Variants in COG5 observed in about 807,000 individuals in gnomAD.
COG5 encodes the protein conserved oligomeric Golgi complex subunit 5.
COG5 carries 86 observed loss-of-function variants against 110.4 expected under a neutral mutation model. The ratio of observed to expected loss-of-function variants is 0.78; its 90% CI spans 0.65 to 0.93. The LOEUF (loss-of-function observed/expected upper bound fraction) is 0.93, where lower values mean the gene tolerates loss of function less well. Among genes scored for constraint, COG5 ranks in the 40% least tolerant of loss-of-function variants. COG5 has a pLI of 0.00. For synonymous variants in COG5, 360 were observed against 334.6 expected (o/e 1.08, Z -0.83); for missense variants, 1,077 against 987.0 (o/e 1.09, Z -1.22).
At chr7:107,458,458 G>C (rs1287216216) in intron 6 of COG5, among the ~76,000 whole-genome samples, 1 of 152,170 alleles carries the variant, frequency 6.6e-6, no homozygotes, top group East Asian at 1.9e-4. Flanking sequence ...TTAATAGTAA[G>C]GTTCTAACAT....
At chr7:107,278,629 G>A (rs980796640) in intron 14 of COG5, among the ~76,000 whole-genome samples, 6 of 151,962 alleles carry the variant, frequency 3.9e-5, no homozygotes, top group South Asian at 4.1e-4. Context: ...CAGAAATAAC[G>A]TCACACATCT....
chr7:107,283,616 G>A lies in COG5; in HGVS notation c.1430C>T (p.Pro477Leu). 1 of 1,613,952 alleles carries A rather than the reference G, an allele frequency of 6.2e-7. No individual in the cohort carries two copies. Among genetic ancestry groups the A allele is most frequent in the South Asian group, 1.1e-5 (1 of 91,088 alleles). Reference sequence around the variant, plus strand: ...ACCATCAAGTTCATCAGAGGAAGGAGGATTACGACCACCCGGGGGAAAAAC... The same window carrying A: ...ACCATCAAGTTCATCAGAGGAAGGAAGATTACGACCACCCGGGGGAAAAAC... ...NLVFPPGGRN[P>L]PSSDELDGII... The change falls in exon 13 of 22, where the codon CCT (proline) becomes CTT (leucine). Residue 477 changes from proline (P) to leucine (L), a missense_variant. Transcript: ENST00000297135.
At chr7:107,500,940 C>T (rs1798593378) in intron 6 of COG5, among the ~76,000 whole-genome samples, 1 of 152,124 alleles carries the variant, frequency 6.6e-6, no homozygotes, top group African/African-American at 2.4e-5. Context: ...TTCAACCATT[C>T]TAACAGCCTT....
intron 21 of COG5, chr7:107,209,933 G>T (rs1799046247): frequency 1.0e-6 from 1 of 987,018 alleles, no homozygotes; most frequent in Admixed American, 6.0e-5. Flanking sequence ...GCAGGGAAGA[G>T]TGTTGCTTAA....
intron 10 of COG5, among the ~76,000 whole-genome samples, chr7:107,333,819 T>A (rs916202616): frequency 2.6e-5 from 4 of 152,144 alleles, no homozygotes; most frequent in African/African-American, 7.2e-5. Context: ...CTAACATACA[T>A]AGAGTAAAAA....
chr7:107,467,695 A>G (rs2129105704), intron 6 of COG5, among the ~76,000 whole-genome samples: 1 of 152,304 alleles, frequency 6.6e-6, no homozygotes, highest in East Asian at 1.9e-4. Flanking sequence ...CTGATTCTCA[A>G]TCAGTAGTTG....
rs1584552481 is a variant in COG5 at position 107,234,857 on chromosome 7, G to T, written c.2091+1593C>A. Among the ~76,000 whole-genome samples the T allele has an allele frequency of 5.3e-5, 8 of 151,848 alleles. No homozygotes were observed. The South Asian group carries it at 1.7e-3, about 32-fold the overall frequency. ...TAAGCAATCTGGAACCCCAGTAAGG[G>T]ACAAATAAGACACTATTTACAAATA... On this transcript the variant is annotated intron_variant, in intron 18 of 21. Coordinates refer to ENST00000297135, the MANE Select transcript of COG5 (RefSeq NM_006348.5).
intron 6 of COG5, among the ~76,000 whole-genome samples, chr7:107,491,870 C>T (rs1289798771): frequency 6.6e-6 from 1 of 152,068 alleles, no homozygotes; most frequent in Non-Finnish European, 1.5e-5. Flanking sequence ...GAAACAGACT[C>T]ACCCTGCCCC....
intron 19 of COG5, among the ~76,000 whole-genome samples, chr7:107,223,740 T>A (rs568610814): frequency 6.6e-6 from 1 of 152,292 alleles, no homozygotes; most frequent in Non-Finnish European, 1.5e-5. Flanking sequence ...ATGTGGGGTA[T>A]GGTGGTTACA....
chr7:107,519,227 C>T (rs972523412), intron 6 of COG5, among the ~76,000 whole-genome samples: 4 of 151,966 alleles, frequency 2.6e-5, no homozygotes, highest in Non-Finnish European at 5.9e-5. Flanking sequence ...ACCTTAACAT[C>T]ACAATTAAAA....
chr7:107,294,942 CACACACACATATATATAT>C lies in COG5; in HGVS notation c.1313+3182_1313+3199del, dbSNP rs1290014927. Among the ~76,000 whole-genome samples the C allele has an allele frequency of 3.8e-3, 450 of 118,302 alleles. 5 individuals are homozygous for C. Among genetic ancestry groups the C allele is most frequent in the African/African-American group, 0.013 (438 of 33,388 alleles). The allele number at this position is 118,302 out of a possible 152,430, so 77.6% of individuals were successfully genotyped here. On this transcript the variant is annotated intron_variant, in intron 12 of 21. Coordinates refer to ENST00000297135, the MANE Select transcript of COG5 (RefSeq NM_006348.5). ...GTGTGTGTATATATACACACACACACACACACACATATATATATACACACATATATATATACACATATA... is the reference window on the plus strand; with the variant it reads ...GTGTGTGTATATATACACACACACACACACACATATATATATACACATATA...
At chr7:107,297,160 A>G (rs971462335) in intron 12 of COG5, among the ~76,000 whole-genome samples, 2 of 152,160 alleles carry the variant, frequency 1.3e-5, no homozygotes, top group Admixed American at 1.3e-4. Flanking sequence ...CAAATTCTAC[A>G]TCCAAGGATT....
chr7:107,377,593 C>A (rs1283111943), intron 7 of COG5, among the ~76,000 whole-genome samples: 5 of 152,134 alleles, frequency 3.3e-5, no homozygotes, highest in Non-Finnish European at 5.9e-5. Flanking sequence ...GACTTTGGAG[C>A]CAGACCTAGA....
In COG5 at chr7:107,288,935, T is replaced by G. The variant is rs1298897245; in HGVS notation, c.1314-5203A>C. The stretch of plus-strand genomic sequence containing the variant: ...ATATATATATATATATATATATATA[T>G]ATATATATATATATATATATATATA... On this transcript the variant is annotated intron_variant, in intron 12 of 21. Coordinates refer to ENST00000297135, the MANE Select transcript of COG5 (RefSeq NM_006348.5). Among the ~76,000 whole-genome samples the G allele has an allele frequency of 9.3e-3, 1,078 of 115,508 alleles. 20 individuals are homozygous for G. The highest frequency in any genetic ancestry group is 0.022 in the African/African-American group (536 of 24,344). The allele number at this position is 115,508 out of a possible 152,430, so 75.8% of individuals were successfully genotyped here. A position where few individuals can be genotyped will look rare whatever the true frequency, so the allele number is the denominator to read the frequency against.
intron 10 of COG5, among the ~76,000 whole-genome samples, chr7:107,357,903 A>G (rs1010004482): frequency 1.3e-5 from 2 of 152,200 alleles, no homozygotes; most frequent in African/African-American, 4.8e-5. Context: ...TCATGGCATC[A>G]AAAGATTCTC....
At chr7:107,532,006 G>C (rs571710295) in intron 5 of COG5, among the ~76,000 whole-genome samples, 1 of 152,200 alleles carries the variant, frequency 6.6e-6, no homozygotes, top group Middle Eastern at 3.4e-3. Context: ...CCCAGACCTG[G>C]AATCAAAGAT....
At chr7:107,350,348 C>G (rs1812023402) in intron 10 of COG5, among the ~76,000 whole-genome samples, 1 of 152,120 alleles carries the variant, frequency 6.6e-6, no homozygotes, top group East Asian at 1.9e-4. Context: ...TGTATCTGCT[C>G]TTTTATTTCG....
chr7:107,293,962 C>T (rs1478456770), intron 12 of COG5, among the ~76,000 whole-genome samples: 3 of 151,962 alleles, frequency 2.0e-5, no homozygotes, highest in Non-Finnish European at 4.4e-5. Context: ...ATCCCAGCTG[C>T]TCGGGAGGCT....
rs1584904330 is a variant in COG5, at chr7:107,504,026, G to C, written c.538+23211C>G. ...GCTCTGACTAGGACTAGGACTTCCA[G>C]TACTATGTTGAATAGAAGTGATCAA... is the stretch of plus-strand genomic sequence containing the variant. On this transcript the variant is annotated intron_variant, in intron 6 of 21. Transcript: ENST00000297135. Among the ~76,000 whole-genome samples, 3 of 152,148 alleles carry C rather than the reference G, an allele frequency of 2.0e-5. No individual in the cohort carries two copies. The South Asian group carries it at 6.2e-4, about 32-fold the overall frequency.
Sources: allele counts gnomAD v4.1 joint callset (sites outside exome capture counted in the v4.1 genomes callset), GRCh38; gene constraint gnomAD v4.1.1; transcripts MANE v1.5; gene names NCBI Gene and HGNC (gene_info 2026-07-23, HGNC 2026-07-21).